AUTS2: variants seen among roughly 807,000 people sequenced by gnomAD.
The protein encoded by AUTS2 is activator of transcription and developmental regulator AUTS2.
Under a neutral mutation model 112.4 loss-of-function variants are expected in AUTS2, and 17 were observed. The observed-to-expected ratio is 0.15, with a 90% CI of 0.10 to 0.23. The LOEUF (loss-of-function observed/expected upper bound fraction) is 0.23, where lower values mean the gene tolerates loss of function less well. Ranked by LOEUF, AUTS2 falls within the 10% of genes least tolerant of loss-of-function variation. AUTS2 has a pLI of 1.00. For missense variants in AUTS2, 1,510 were observed against 1,701.6 expected (o/e 0.89, Z 1.98); for synonymous variants, 751 against 702.7 (o/e 1.07, Z -1.09).
intron 4 of AUTS2, among the ~76,000 whole-genome samples, chr7:70,376,669 G>T (rs918117758): frequency 6.6e-5 from 10 of 150,624 alleles, no homozygotes; most frequent in African/African-American, 2.4e-4. Flanking sequence ...CCAGTGGAAG[G>T]CCTGCAGGGG....
At chr7:69,860,880 T>A (rs1792948896) in intron 1 of AUTS2, among the ~76,000 whole-genome samples, 1 of 152,190 alleles carries the variant, frequency 6.6e-6, no homozygotes, top group Admixed American at 6.5e-5. Flanking sequence ...TATTAATTAT[T>A]CGGAGGCTAC....
chr7:70,360,567 AC>A (rs1792214826), intron 4 of AUTS2, among the ~76,000 whole-genome samples: 1 of 152,072 alleles, frequency 6.6e-6, no homozygotes, highest in African/African-American at 2.4e-5. Flanking sequence ...CAGGTGTATG[AC>A]CCCGGCTCAT....
At chr7:69,963,486 T>TCATA (rs1797512316) in intron 2 of AUTS2, among the ~76,000 whole-genome samples, 1 of 152,154 alleles carries the variant, frequency 6.6e-6, no homozygotes. Flanking sequence ...TAAGGCTCTA[T>TCATA]CATAGCAGGT....
chr7:70,256,113 G>A (rs1441192503), intron 4 of AUTS2, among the ~76,000 whole-genome samples: 1 of 152,176 alleles, frequency 6.6e-6, no homozygotes, highest in Admixed American at 6.5e-5. Context: ...ACTACACAGA[G>A]CACTGATAAT....
intron 1 of AUTS2, among the ~76,000 whole-genome samples, chr7:69,670,487 G>T (rs1796267466): frequency 7.1e-6 from 1 of 141,184 alleles, no homozygotes; most frequent in South Asian, 2.4e-4. Context: ...GATGGGGATT[G>T]AGAGTGTGTC....
At chr7:70,649,536 A>T (rs1187776855) in intron 5 of AUTS2, among the ~76,000 whole-genome samples, 1 of 149,668 alleles carries the variant, frequency 6.7e-6, no homozygotes, top group African/African-American at 2.5e-5. Context: ...TTATTTATTT[A>T]TTTATTTTTT....
chr7:70,385,775 A>G (rs1793579869), intron 4 of AUTS2, among the ~76,000 whole-genome samples: 1 of 152,212 alleles, frequency 6.6e-6, no homozygotes, highest in Admixed American at 6.5e-5. Flanking sequence ...GAAGACTGTT[A>G]TGATGTGAAC....
At chr7:70,269,321 C>T (rs947709461) in intron 4 of AUTS2, among the ~76,000 whole-genome samples, 1 of 152,188 alleles carries the variant, frequency 6.6e-6, no homozygotes, top group Non-Finnish European at 1.5e-5. Context: ...CTGTTGTTCT[C>T]TTTGTCATGC....
chr7:70,696,614 C>G (rs1357104594), intron 5 of AUTS2, among the ~76,000 whole-genome samples: 1 of 152,136 alleles, frequency 6.6e-6, no homozygotes, highest in Non-Finnish European at 1.5e-5. Flanking sequence ...CCATGTGGAG[C>G]TGACAAAGGT....
intron 4 of AUTS2, among the ~76,000 whole-genome samples, chr7:70,168,316 A>T (rs1808487582): frequency 6.6e-6 from 1 of 152,076 alleles, no homozygotes; most frequent in African/African-American, 2.4e-5. Context: ...AAACTCTCCC[A>T]ATATTTTCAG....
chr7:70,627,303 T>C (rs1192686946), intron 5 of AUTS2, among the ~76,000 whole-genome samples: 1 of 152,234 alleles, frequency 6.6e-6, no homozygotes, highest in Non-Finnish European at 1.5e-5. Context: ...TGTCTTCTTT[T>C]GAAAAGTGTC....
At chr7:69,615,284 A>T (rs1371703923) in intron 1 of AUTS2, among the ~76,000 whole-genome samples, 1 of 152,044 alleles carries the variant, frequency 6.6e-6, no homozygotes, top group Non-Finnish European at 1.5e-5. Context: ...CTATTTTCTG[A>T]TTACAGGTGA....
chr7:70,450,265 T>C (rs1377570692), intron 5 of AUTS2, among the ~76,000 whole-genome samples: 1 of 152,188 alleles, frequency 6.6e-6, no homozygotes, highest in Non-Finnish European at 1.5e-5. Context: ...AAGGGAAAGC[T>C]GAGGTACCTA....
chr7:70,589,662 C>T lies in AUTS2; in HGVS notation c.691-108907C>T, dbSNP rs139336848. ...CTGGGAGGCGGAGGTTGCAGTGAGC[C>T]GAGATTATGCCACTGCACTCTAGCC... On this transcript the variant is annotated intron_variant, in intron 5 of 18. Transcript: ENST00000342771. Among the ~76,000 whole-genome samples the T allele has an allele frequency of 7.6e-3, 1,151 of 152,122 alleles. 11 individuals carry two copies. Among genetic ancestry groups the T allele is most frequent in the African/African-American group, 0.026 (1,072 of 41,488 alleles).
chr7:70,365,381 C>T (rs1245561262), intron 4 of AUTS2, among the ~76,000 whole-genome samples: 1 of 152,194 alleles, frequency 6.6e-6, no homozygotes, highest in African/African-American at 2.4e-5. Flanking sequence ...GGAAATAAAG[C>T]TCAAGCTCAG....
chr7:69,903,870 A>G (rs1795059108), intron 2 of AUTS2, among the ~76,000 whole-genome samples: 1 of 152,184 alleles, frequency 6.6e-6, no homozygotes, highest in South Asian at 2.1e-4. Flanking sequence ...AAAAATCTTT[A>G]TACAAGTTGA....
chr7:70,562,498 G>A (rs1326182769), intron 5 of AUTS2, among the ~76,000 whole-genome samples: 1 of 151,716 alleles, frequency 6.6e-6, no homozygotes, highest in African/African-American at 2.4e-5. Flanking sequence ...AGATTATAAA[G>A]TATTTGGAAG....
chr7:70,608,083 CTTTTG>C (rs1803877908), intron 5 of AUTS2, among the ~76,000 whole-genome samples: 1 of 152,122 alleles, frequency 6.6e-6, no homozygotes, highest in Non-Finnish European at 1.5e-5. Context: ...GGCATTTGCT[CTTTTG>C]TTAGTCTTTG....
At chr7:69,761,562 G>T (rs528524955) in intron 1 of AUTS2, among the ~76,000 whole-genome samples, 6 of 152,210 alleles carry the variant, frequency 3.9e-5, no homozygotes, top group Middle Eastern at 3.4e-3. Context: ...TGGGGTGCAG[G>T]GTCAGGGACT....
Sources: allele counts gnomAD v4.1 joint callset (sites outside exome capture counted in the v4.1 genomes callset), GRCh38; gene constraint gnomAD v4.1.1; transcripts MANE v1.5; gene names NCBI Gene and HGNC (gene_info 2026-07-23, HGNC 2026-07-21).